ZBTB20: variants seen among roughly 807,000 people sequenced by gnomAD.
The protein encoded by ZBTB20 is zinc finger and BTB domain-containing protein 20.
A neutral mutation model predicts 56.9 loss-of-function variants in ZBTB20; 9 were observed. The observed-to-expected ratio is 0.16, with a 90% confidence interval of 0.10 to 0.28. ZBTB20 has a LOEUF of 0.28. Ranked by LOEUF, ZBTB20 falls within the 10% of genes least tolerant of loss-of-function variation. ZBTB20 has a pLI of 1.00. For synonymous variants in ZBTB20, 417 were observed against 420.7 expected (o/e 0.99, Z 0.11); for missense variants, 655 against 1,003.0 (o/e 0.65, Z 4.69).
chr3:114,918,563 C>T (rs1434121088), intron 3 of ZBTB20, among the ~76,000 whole-genome samples: 1 of 152,138 alleles, frequency 6.6e-6, no homozygotes, highest in Non-Finnish European at 1.5e-5. Context: ...GGCCCAAAGG[C>T]TCTTTAGTCA....
chr3:115,074,631 G>T (rs1046305487), intron 1 of ZBTB20, among the ~76,000 whole-genome samples: 3 of 152,164 alleles, frequency 2.0e-5, no homozygotes, highest in Non-Finnish European at 4.4e-5. Context: ...TAAAATATTT[G>T]CTTGCAGACA....
At chr3:114,605,360 C>T (rs2057065886) in intron 6 of ZBTB20, among the ~76,000 whole-genome samples, 1 of 152,110 alleles carries the variant, frequency 6.6e-6, no homozygotes, top group South Asian at 2.1e-4. Context: ...TGTCCCATGA[C>T]TTTTTGGTAA....
intron 3 of ZBTB20, among the ~76,000 whole-genome samples, chr3:114,944,841 AG>A (rs1419441957): frequency 6.9e-6 from 1 of 145,506 alleles, no homozygotes; most frequent in Non-Finnish European, 1.5e-5. Context: ...TGATGAAGAA[AG>A]GGGAGATGTT....
chr3:115,062,786 CTAA>C (rs1247971698), intron 2 of ZBTB20, among the ~76,000 whole-genome samples: 5 of 152,040 alleles, frequency 3.3e-5, no homozygotes, highest in South Asian at 2.1e-4. Flanking sequence ...AGATGAATAG[CTAA>C]TGAGTCAGCA....
chr3:114,402,252 A>G (rs1247963243), intron 7 of ZBTB20, among the ~76,000 whole-genome samples: 1 of 152,144 alleles, frequency 6.6e-6, no homozygotes, highest in Non-Finnish European at 1.5e-5. Flanking sequence ...AAAAGGAGTG[A>G]TGAGATGGTT....
chr3:114,855,180 G>T (rs12695310), intron 4 of ZBTB20, among the ~76,000 whole-genome samples: 53,857 of 152,038 alleles, frequency 0.35, 11,954 homozygotes, highest in Non-Finnish European at 0.51. Context: ...CTTATTCCTA[G>T]AAGATCACAG....
At chr3:115,083,775 T>C (rs527449842) in intron 1 of ZBTB20, among the ~76,000 whole-genome samples, 1 of 152,120 alleles carries the variant, frequency 6.6e-6, no homozygotes, top group East Asian at 1.9e-4. Context: ...ATGGGCTACA[T>C]AACAAATTCC....
At chr3:114,519,015 G>A (rs2046346493) in intron 6 of ZBTB20, 1 of 152,112 alleles carries the variant, frequency 6.6e-6, no homozygotes, top group African/African-American at 2.4e-5. Context: ...GGCTGTACCT[G>A]GGAGTCAGAT....
intron 6 of ZBTB20, among the ~76,000 whole-genome samples, chr3:114,591,527 G>GA (rs1305007650): frequency 1.3e-5 from 2 of 152,036 alleles, no homozygotes; most frequent in African/African-American, 2.4e-5. Flanking sequence ...TAAATATGTG[G>GA]AAAAAAGAAG....
intron 1 of ZBTB20, among the ~76,000 whole-genome samples, chr3:115,082,398 G>GT (rs2082829952): frequency 3.3e-5 from 5 of 152,122 alleles, no homozygotes; most frequent in Admixed American, 3.3e-4. Context: ...GAGTGTGCGC[G>GT]TGTCTGGATC....
At chr3:114,753,355 A>ATG (rs2067727173) in intron 5 of ZBTB20, among the ~76,000 whole-genome samples, 1 of 21,792 alleles carries the variant, frequency 4.6e-5, no homozygotes, top group Non-Finnish European at 1.7e-4. Context: ...TGTATACATT[A>ATG]TATATAATGT....
At chr3:114,901,265 CA>C (rs60746426) in intron 3 of ZBTB20, among the ~76,000 whole-genome samples, 208 of 124,956 alleles carry the variant, frequency 1.7e-3, no homozygotes, top group East Asian at 7.5e-3. Flanking sequence ...GGCTCCATCT[CA>C]AAAAAAAAAA....
chr3:115,100,881 A>G (rs1190056450), intron 1 of ZBTB20, among the ~76,000 whole-genome samples: 1 of 152,248 alleles, frequency 6.6e-6, no homozygotes, highest in Non-Finnish European at 1.5e-5. Context: ...GCTCTGTAAG[A>G]AACAGACTCC....
intron 6 of ZBTB20, among the ~76,000 whole-genome samples, chr3:114,623,780 C>A (rs1247721658): frequency 6.6e-6 from 1 of 152,046 alleles, no homozygotes; most frequent in African/African-American, 2.4e-5. Flanking sequence ...CCATCTACCT[C>A]CCTGAATACT....
At chr3:114,473,385 A>G (rs2040370757) in intron 7 of ZBTB20, among the ~76,000 whole-genome samples, 1 of 152,242 alleles carries the variant, frequency 6.6e-6, no homozygotes, top group Non-Finnish European at 1.5e-5. Flanking sequence ...CATTTTTGAT[A>G]TATTTCCTTC....
intron 7 of ZBTB20, among the ~76,000 whole-genome samples, chr3:114,453,283 T>C (rs748732448): frequency 3.9e-5 from 6 of 152,170 alleles, no homozygotes; most frequent in Non-Finnish European, 8.8e-5. Context: ...TAGTGTATCA[T>C]AGAAGGGGCA....
chr3:114,877,281 A>G (rs1050839227), intron 4 of ZBTB20, among the ~76,000 whole-genome samples: 2 of 152,240 alleles, frequency 1.3e-5, no homozygotes, highest in African/African-American at 4.8e-5. Context: ...AACACTGAAT[A>G]CAGCATTGAT....
Position 114,951,947 on chromosome 3 carries a change from T to C in ZBTB20, c.-456+22419A>G, listed in dbSNP as rs903467637. 4.6e-5 allele frequency among the ~76,000 whole-genome samples: 7 copies of C among 151,884 alleles called. 1 individual carries two copies. The highest frequency in any genetic ancestry group is 1.7e-4 in the African/African-American group (7 of 41,390). ...AATTTTAAAAAAATACAACAAAATA[T>C]CACTGGATGGTTTCCAACAAAATAA... is the stretch of plus-strand genomic sequence containing the variant. On this transcript the variant is annotated intron_variant, in intron 3 of 11. Transcript: ENST00000675478.
At chr3:114,452,706 T>C (rs984049383) in intron 7 of ZBTB20, among the ~76,000 whole-genome samples, 2 of 151,748 alleles carry the variant, frequency 1.3e-5, no homozygotes, top group Non-Finnish European at 2.9e-5. Context: ...TCCCCTACAT[T>C]TTCCCTCCCC....
Sources: gnomAD v4.1 joint callset for allele counts (sites outside exome capture counted in the v4.1 genomes callset) on GRCh38, gnomAD v4.1.1 for gene constraint, MANE v1.5 for transcripts, NCBI Gene and HGNC (gene_info 2026-07-23, HGNC 2026-07-21) for gene names.